DENND1B: variants seen among roughly 807,000 people sequenced by gnomAD.
DENND1B encodes the protein DENN domain containing 1B.
In DENND1B, 59 loss-of-function variants were observed where a neutral mutation model predicts 90.1. The ratio of observed to expected loss-of-function variants is 0.65; its 90% CI spans 0.53 to 0.81. DENND1B has a LOEUF of 0.81. DENND1B is among the 40% of genes least tolerant of loss of function. The pLI, the probability that DENND1B is intolerant of heterozygous loss-of-function variation, is 0.00. For missense variants in DENND1B, 862 were observed against 912.6 expected (o/e 0.94, Z 0.71); for synonymous variants, 337 against 324.6 (o/e 1.04, Z -0.41).
intron 10 of DENND1B, among the ~76,000 whole-genome samples, chr1:197,629,566 T>C (rs566320593): frequency 6.6e-6 from 1 of 150,734 alleles, no homozygotes; most frequent in Non-Finnish European, 1.5e-5. Context: ...TTAGGAGATA[T>C]ACCTAATGCT....
intron 10 of DENND1B, among the ~76,000 whole-genome samples, chr1:197,639,046 A>C (rs1680044235): frequency 6.6e-6 from 1 of 151,686 alleles, no homozygotes; most frequent in African/African-American, 2.4e-5. Context: ...TTTAATTTTA[A>C]ACTTTTCATC....
chr1:197,663,933 C>T (rs1654671027), intron 5 of DENND1B, among the ~76,000 whole-genome samples: 1 of 151,894 alleles, frequency 6.6e-6, no homozygotes, highest in Non-Finnish European at 1.5e-5. Flanking sequence ...TTTAACTATA[C>T]TCTAAGTACA....
chr1:197,741,506 T>C (rs1020607953), intron 2 of DENND1B, among the ~76,000 whole-genome samples: 2 of 152,198 alleles, frequency 1.3e-5, no homozygotes, highest in African/African-American at 4.8e-5. Flanking sequence ...ACACAATCTT[T>C]AACACATTTC....
chr1:197,652,482 T>C (rs1323063530), intron 6 of DENND1B, among the ~76,000 whole-genome samples, 167 bp from the exon 7 acceptor site: 2 of 152,182 alleles, frequency 1.3e-5, no homozygotes, highest in African/African-American at 4.8e-5. Flanking sequence ...TATTTGAGTC[T>C]AAAAATATGA....
intron 2 of DENND1B, among the ~76,000 whole-genome samples, chr1:197,726,553 C>G (rs1161844196): frequency 6.6e-6 from 1 of 152,126 alleles, no homozygotes; most frequent in Non-Finnish European, 1.5e-5. Context: ...CTAGGTGAAG[C>G]ACTAAAACAA....
At chr1:197,762,866 A>G (rs1655261439) in intron 2 of DENND1B, among the ~76,000 whole-genome samples, 1 of 152,178 alleles carries the variant, frequency 6.6e-6, no homozygotes, top group Non-Finnish European at 1.5e-5. Flanking sequence ...TCCATGTTGT[A>G]GCACACGGCA....
In DENND1B at chr1:197,529,203, GATATATATATATATATATATAT is replaced by G. The variant is rs71131771; in HGVS notation, c.1515+10739_1515+10760del. 1.9e-4 allele frequency among the ~76,000 whole-genome samples: 22 copies of G among 117,354 alleles called. 1 individual carries two copies. Among genetic ancestry groups the G allele is most frequent in the Middle Eastern group, 4.8e-3 (1 of 208 alleles). 77.0% of individuals were successfully genotyped at this position (117,354 alleles called of 152,430 possible). On this transcript the variant is annotated intron_variant, in intron 20 of 22. Transcript: ENST00000620048. Reference sequence around the variant, plus strand: ...TTCCCGACATGAAATAGTTAAGAGTGATATATATATATATATATATATATATATATATATATATATGTGTGTG... The same window carrying G: ...TTCCCGACATGAAATAGTTAAGAGTGATATATATATATATATATGTGTGTG...
At chr1:197,626,222 T>C (rs1678700921) in intron 10 of DENND1B, among the ~76,000 whole-genome samples, 2 of 151,890 alleles carry the variant, frequency 1.3e-5, no homozygotes, top group African/African-American at 2.4e-5. Context: ...AATATACATT[T>C]TTTTCAGCAC....
At chr1:197,736,153 A>G (rs966858121) in intron 2 of DENND1B, 20 of 619,418 alleles carry the variant, frequency 3.2e-5, no homozygotes, top group African/African-American at 1.7e-4. Flanking sequence ...CTTAAAAAAA[A>G]AAAAAGAAAA....
chr1:197,588,972 A>T (rs1424647988), intron 14 of DENND1B, among the ~76,000 whole-genome samples: 2 of 152,122 alleles, frequency 1.3e-5, no homozygotes, highest in African/African-American at 4.8e-5. Context: ...GAAAAAAGAA[A>T]AACTACAGCT....
intron 14 of DENND1B, among the ~76,000 whole-genome samples, chr1:197,593,558 T>C (rs763089291): frequency 2.0e-5 from 3 of 151,942 alleles, no homozygotes; most frequent in African/African-American, 7.2e-5. Context: ...TGAAATCTTA[T>C]ACTCCTATCT....
At chr1:197,754,612 C>T (rs1221979229) in intron 2 of DENND1B, among the ~76,000 whole-genome samples, 2 of 142,180 alleles carry the variant, frequency 1.4e-5, no homozygotes, top group East Asian at 4.0e-4. Flanking sequence ...AAGCCAAGAT[C>T]GTGCTACGCC....
At chr1:197,516,878 T>A (rs1483312243) in intron 20 of DENND1B, among the ~76,000 whole-genome samples, 1 of 151,774 alleles carries the variant, frequency 6.6e-6, no homozygotes, top group Admixed American at 6.6e-5. Flanking sequence ...ATAAAAAATA[T>A]ATACATTATT....
At chr1:197,594,745 G>T (rs1421003252) in intron 14 of DENND1B, among the ~76,000 whole-genome samples, 1 of 152,080 alleles carries the variant, frequency 6.6e-6, no homozygotes, top group Non-Finnish European at 1.5e-5. Context: ...TTAGCAAAGG[G>T]TCATGAATTA....
intron 2 of DENND1B, among the ~76,000 whole-genome samples, chr1:197,733,151 A>C (rs1662306060): frequency 6.6e-6 from 1 of 152,212 alleles, no homozygotes; most frequent in African/African-American, 2.4e-5. Context: ...GAAGTCTATA[A>C]TGGAGCTTTT....
intron 2 of DENND1B, among the ~76,000 whole-genome samples, chr1:197,740,847 T>C (rs776132089): frequency 6.6e-6 from 1 of 152,188 alleles, no homozygotes; most frequent in African/African-American, 2.4e-5. Context: ...ACTATACTTA[T>C]GAAGCACTTT....
At chr1:197,517,665 A>G (rs1668492745) in intron 20 of DENND1B, among the ~76,000 whole-genome samples, 1 of 151,868 alleles carries the variant, frequency 6.6e-6, no homozygotes, top group African/African-American at 2.4e-5. Context: ...TAATCATGCT[A>G]TACTCCTATT....
intron 11 of DENND1B, among the ~76,000 whole-genome samples, chr1:197,617,447 A>T (rs567279765): frequency 6.6e-6 from 1 of 151,310 alleles, no homozygotes; most frequent in Non-Finnish European, 1.5e-5. Context: ...AATTCACAAA[A>T]TCTAAAGAAC....
intron 2 of DENND1B, among the ~76,000 whole-genome samples, chr1:197,745,763 T>C (rs189640635): frequency 6.6e-6 from 1 of 151,724 alleles, no homozygotes; most frequent in East Asian, 1.9e-4. Flanking sequence ...ATTTAAAGAA[T>C]GGCATGGCTG....
Sources: gnomAD v4.1 joint callset for allele counts (sites outside exome capture counted in the v4.1 genomes callset) on GRCh38, gnomAD v4.1.1 for gene constraint, MANE v1.5 for transcripts, NCBI Gene and HGNC (gene_info 2026-07-23, HGNC 2026-07-21) for gene names.